The following PLAGL1 variants were observed in gnomAD, a reference collection of about 807,000 sequenced individuals.
PLAGL1 encodes the protein PLAG1 like zinc finger 1.
PLAGL1 carries 1 observed loss-of-function variant against 4.6 expected under a neutral mutation model. That is an observed-to-expected ratio of 0.22 (90% confidence interval 0.08 to 1.03). The LOEUF is 1.03. Among genes scored for constraint, PLAGL1 ranks in the 50% least tolerant of loss-of-function variants. PLAGL1 has a pLI of 0.58. For missense variants in PLAGL1, 464 were observed against 570.4 expected, an observed-to-expected ratio of 0.81 and a Z score of 1.90; for synonymous variants, 240 against 237.8, an observed-to-expected ratio of 1.01 and a Z score of -0.08.
In PLAGL1 at chr6:143,994,547, C is replaced by T. The variant is rs144501355; in HGVS notation, c.-583-9373G>A. On this transcript the variant is annotated intron_variant, in intron 1 of 7. Coordinates refer to ENST00000674357, the MANE Select transcript of PLAGL1 (RefSeq NM_001317162.2). The surrounding 1 kb of genome is among the most constrained non-coding windows in gnomAD (Gnocchi z 4.3). ...TAGCTCTTGAAATCTCAAGTAGGAA[C>T]GAAATGAAACTAATGGCATTATAAA... Among the ~76,000 whole-genome samples the T allele has an allele frequency of 0.011, 1,711 of 152,170 alleles. 9 individuals are homozygous for T. Among genetic ancestry groups the T allele is most frequent in the Middle Eastern group, 0.044 (13 of 294 alleles).
At chr6:143,967,896 GT>G (rs1469558101) in intron 3 of PLAGL1, 3 of 150,130 alleles carry the variant, frequency 2.0e-5, no homozygotes, top group African/African-American at 7.4e-5. Context: ...CTAGTGGGAG[GT>G]TTGCAGGGGG....
chr6:143,944,268 G>C (rs889026603), intron 7 of PLAGL1, among the ~76,000 whole-genome samples: 4 of 152,064 alleles, frequency 2.6e-5, no homozygotes, highest in Admixed American at 6.6e-5. Flanking sequence ...GCCCTATACT[G>C]TTTATTCCTG....
intron 1 of PLAGL1, among the ~76,000 whole-genome samples, chr6:143,991,846 A>G (rs777324812): frequency 6.6e-5 from 10 of 152,142 alleles, no homozygotes; most frequent in Non-Finnish European, 1.0e-4. Flanking sequence ...ACCTAGACCC[A>G]AGGGGTGGCC....
chr6:144,017,051 C>T (rs1337375738), intron 1 of PLAGL1, among the ~76,000 whole-genome samples: 1 of 152,112 alleles, frequency 6.6e-6, no homozygotes, highest in Non-Finnish European at 1.5e-5. Flanking sequence ...CTCATTATGG[C>T]ATTTACAGTC....
rs1795491711 is a variant in PLAGL1 at position 144,015,240 on chromosome 6, G to GATATATTGCATAT, written c.-150-46275_-150-46263dup. On this transcript the variant is annotated intron_variant, in intron 1 of 3. Coordinates refer to the PLAGL1 transcript ENST00000437412. The surrounding 1 kb of genome is among the most constrained non-coding windows in gnomAD (Gnocchi z 4.3). ...GATTACATGTTGAAATAATATTTTAGATATATTGCATATAATTCAAAGTAA... is the reference window on the plus strand; with the variant it reads ...GATTACATGTTGAAATAATATTTTAGATATATTGCATATATATATTGCATATAATTCAAAGTAA... Among the ~76,000 whole-genome samples the GATATATTGCATAT allele has an allele frequency of 6.6e-6, 1 of 152,106 alleles. No homozygotes were observed. The highest frequency in any genetic ancestry group is 6.5e-5 in the Admixed American group (1 of 15,276).
At position 144,056,862 on chromosome 6, in the gene PLAGL1, T is replaced by C. The variant is rs1326250275; in HGVS notation, c.-151+7606A>G. Among the ~76,000 whole-genome samples the C allele has an allele frequency of 6.6e-6, 1 of 152,166 alleles. No individual in the cohort carries two copies. Among genetic ancestry groups the C allele is most frequent in the East Asian group, 1.9e-4 (1 of 5,180 alleles). On this transcript the variant is annotated intron_variant, in intron 1 of 3. Coordinates refer to the PLAGL1 transcript ENST00000437412. This position sits in a 1 kb window ranked among gnomAD's most constrained non-coding sequence, Gnocchi z 4.7. ...TTTAATTTTATTTATGCTGCCCAGG[T>C]GTTGCCCAGGCTGCTCTCAAACTCC...
intron 7 of PLAGL1, among the ~76,000 whole-genome samples, chr6:143,943,922 T>A (rs1351786922): frequency 6.6e-6 from 1 of 152,244 alleles, no homozygotes; most frequent in Admixed American, 6.5e-5. Context: ...CTCAGTGGTA[T>A]AAGGAAACCC....
At chr6:144,060,359 A>G (rs1583926744) in intron 1 of PLAGL1, among the ~76,000 whole-genome samples, 1 of 152,276 alleles carries the variant, frequency 6.6e-6, no homozygotes, top group East Asian at 1.9e-4. Context: ...GTGTCACAGC[A>G]TTTAGCATTT....
At chr6:143,996,036 T>TC (rs1791541822) in intron 1 of PLAGL1, among the ~76,000 whole-genome samples, 1 of 152,170 alleles carries the variant, frequency 6.6e-6, no homozygotes, top group South Asian at 2.1e-4. Context: ...CCCACCATCG[T>TC]CCACTCTATT....
rs566377816 is a variant in PLAGL1 at position 143,954,545 on chromosome 6, A to G, written c.-325+5924T>C. On this transcript the variant is annotated intron_variant, in intron 6 of 7. Transcript: ENST00000674357. This position sits in a 1 kb window ranked among gnomAD's most constrained non-coding sequence, Gnocchi z 5.1. ...GGCAGCCTCTTATAACTCAGCTAAT[A>G]TAATCCAGAGACTAACATTCATTGA... is the stretch of plus-strand genomic sequence containing the variant. 3.9e-5 allele frequency among the ~76,000 whole-genome samples: 6 copies of G among 152,352 alleles called. No homozygotes were observed. Among genetic ancestry groups the G allele is most frequent in the African/African-American group, 1.4e-4 (6 of 41,582 alleles).
intron 1 of PLAGL1, among the ~76,000 whole-genome samples, chr6:144,003,386 A>G (rs1793369508): frequency 6.6e-6 from 1 of 152,168 alleles, no homozygotes. Context: ...GCACTTTGGG[A>G]GGCCAAGGCG....
In PLAGL1 at chr6:143,985,174, T is replaced by C. The variant is rs1562496602; in HGVS notation, c.-583A>G. 1 of 152,192 alleles carries C rather than the reference T, an allele frequency of 6.6e-6. No individual in the cohort carries two copies. The highest frequency in any genetic ancestry group is 1.5e-5 in the Non-Finnish European group (1 of 68,022). The allele number at this position is 152,192 out of a possible 1,614,324, so 9.4% of individuals were successfully genotyped here. The stretch of plus-strand genomic sequence containing the variant: ...ATGTTTATGAATCAGGCAGGAACAA[T>C]CTGCAAACAAAAATAAAAATTACTA... On this transcript the variant is annotated splice_region_variant and 5_prime_UTR_variant, in exon 2 of 8. Transcript: ENST00000674357. This position sits in a 1 kb window ranked among gnomAD's most constrained non-coding sequence, Gnocchi z 4.4.
intron 7 of PLAGL1, among the ~76,000 whole-genome samples, chr6:143,944,980 T>C (rs1321351596): frequency 6.6e-6 from 1 of 152,166 alleles, no homozygotes; most frequent in Non-Finnish European, 1.5e-5. Context: ...CCTACACCTG[T>C]ACTACCTGTA....
At position 143,980,388 on chromosome 6, in the gene PLAGL1, G is replaced by GT. The variant is rs71024882; in HGVS notation, c.-544+4746dup. Among the ~76,000 whole-genome samples, 514 of 133,344 alleles carry GT rather than the reference G, an allele frequency of 3.9e-3. 5 individuals carry two copies. Among genetic ancestry groups the GT allele is most frequent in the Middle Eastern group, 8.0e-3 (2 of 250 alleles). 87.5% of individuals were successfully genotyped at this position (133,344 alleles called of 152,430 possible). Reference sequence around the variant, plus strand: ...CTGATGTGCTATTCACTTTTTTCTAGTTTTTTTTTTTTTTTTTCCATTCAG... The same window carrying GT: ...CTGATGTGCTATTCACTTTTTTCTAGTTTTTTTTTTTTTTTTTTCCATTCAG... On this transcript the variant is annotated intron_variant, in intron 2 of 7. Transcript: ENST00000674357.
In PLAGL1 at chr6:144,022,881, C is replaced by T. The variant is rs1455710459; in HGVS notation, c.-151+41587G>A. 6.6e-6 allele frequency among the ~76,000 whole-genome samples: 1 copy of T among 152,210 alleles called. No individual in the cohort carries two copies. Among genetic ancestry groups the T allele is most frequent in the Non-Finnish European group, 1.5e-5 (1 of 68,042 alleles). On this transcript the variant is annotated intron_variant, in intron 1 of 3. Coordinates refer to the PLAGL1 transcript ENST00000437412. This position sits in a 1 kb window ranked among gnomAD's most constrained non-coding sequence, Gnocchi z 4.2. ...CTTCCCATACTACCCAGCAATCACA[C>T]TCCTTGGTATTTACCCAATTGATTT...
chr6:143,994,398 A>G lies in PLAGL1; in HGVS notation c.-583-9224T>C, dbSNP rs572217341. 5.1e-4 allele frequency among the ~76,000 whole-genome samples: 77 copies of G among 152,192 alleles called. No homozygotes were observed. Among genetic ancestry groups the G allele is most frequent in the African/African-American group, 1.8e-3 (75 of 41,520 alleles). ...ATCTTTCCTCCGCTGTTTAAAAGCA[A>G]TTTTCTAGATTGCAGTTTTAAACAT... is the stretch of plus-strand genomic sequence containing the variant. On this transcript the variant is annotated intron_variant, in intron 1 of 7. Transcript: ENST00000674357. This position sits in a 1 kb window ranked among gnomAD's most constrained non-coding sequence, Gnocchi z 4.3.
chr6:143,996,592 G>A (rs1462420245), intron 1 of PLAGL1, among the ~76,000 whole-genome samples: 1 of 150,850 alleles, frequency 6.6e-6, no homozygotes, highest in Non-Finnish European at 1.5e-5. Context: ...CTTGAAGCAG[G>A]AGCAGAGTCT....
rs1799661510 is a variant in PLAGL1, at chr6:144,064,268, C to T, written c.-151+200G>A. ...CGCCGGTGTCCCAAGCACCGACCGC[C>T]ATCCCCGGCAGGACGCAGGCAGGAG... is the stretch of plus-strand genomic sequence containing the variant. On this transcript the variant is annotated intron_variant, in intron 1 of 3. Transcript: ENST00000437412. The surrounding 1 kb of genome is among the most constrained non-coding windows in gnomAD (Gnocchi z 6.8). 6.6e-6 allele frequency among the ~76,000 whole-genome samples: 1 copy of T among 152,176 alleles called. No individual in the cohort carries two copies. Among genetic ancestry groups the T allele is most frequent in the Admixed American group, 6.5e-5 (1 of 15,288 alleles).
intron 1 of PLAGL1, among the ~76,000 whole-genome samples, chr6:144,038,703 T>TA (rs1272631546): frequency 6.6e-6 from 1 of 152,208 alleles, no homozygotes; most frequent in African/African-American, 2.4e-5. Context: ...TTGAAAACAT[T>TA]ATACTGTGTG....
Sources: gnomAD v4.1 joint callset for allele counts (sites outside exome capture counted in the v4.1 genomes callset) on GRCh38, gnomAD v4.1.1 for gene constraint, Gnocchi (gnomAD v3.1) non-coding constraint, MANE v1.5 for transcripts, NCBI Gene and HGNC (gene_info 2026-07-23, HGNC 2026-07-21) for gene names.